TTC28: variants seen among roughly 807,000 people sequenced by gnomAD.
TTC28 encodes tetratricopeptide repeat domain 28.
Under a neutral mutation model 198.0 loss-of-function variants are expected in TTC28, and 61 were observed. That is an observed-to-expected ratio of 0.31 (90% CI 0.25 to 0.38). The LOEUF (loss-of-function observed/expected upper bound fraction) is 0.38, where lower values mean the gene tolerates loss of function less well. Ranked by LOEUF, TTC28 falls within the 10% of genes least tolerant of loss-of-function variation. TTC28 has a pLI of 1.00. For missense variants in TTC28, 2,678 were observed against 3,164.0 expected (o/e 0.85, Z 3.69); for synonymous variants, 1,171 against 1,297.8 (o/e 0.90, Z 2.10).
chr22:28,294,308 A>G (rs898334291), intron 5 of TTC28, among the ~76,000 whole-genome samples: 2 of 152,162 alleles, frequency 1.3e-5, no homozygotes, highest in African/African-American at 4.8e-5. Flanking sequence ...TGATTTCTTA[A>G]TAACATATTG....
At chr22:28,261,398 A>G (rs1023699550) in intron 5 of TTC28, among the ~76,000 whole-genome samples, 1 of 152,132 alleles carries the variant, frequency 6.6e-6, no homozygotes, top group Admixed American at 6.6e-5. Context: ...AGAAAGCCCA[A>G]GCATGGTGGA....
chr22:28,397,524 C>T lies in TTC28; in HGVS notation c.382-90881G>A, dbSNP rs144376992. ...AGAGTGAACAGCTCTTACAGCAAAA[C>T]AGTGCTGAAAGGATGACCAAGTAAA... On this transcript the variant is annotated intron_variant, in intron 2 of 22. Coordinates refer to ENST00000397906, the MANE Select transcript of TTC28 (RefSeq NM_001145418.2). Among the ~76,000 whole-genome samples, 816 of 152,282 alleles carry T rather than the reference C, an allele frequency of 5.4e-3. 6 individuals carry two copies. The highest frequency in any genetic ancestry group is 0.019 in the African/African-American group (787 of 41,548).
At chr22:28,146,623 T>C (rs1943475278) in intron 6 of TTC28, among the ~76,000 whole-genome samples, 1 of 152,214 alleles carries the variant, frequency 6.6e-6, no homozygotes, top group Non-Finnish European at 1.5e-5. Flanking sequence ...TCACAGAGCA[T>C]ATCATATCTC....
intron 2 of TTC28, among the ~76,000 whole-genome samples, chr22:28,503,747 ATGGAAGT>A: frequency 6.6e-6 from 1 of 152,342 alleles, no homozygotes; most frequent in African/African-American, 2.4e-5. Context: ...CTGATAAATA[ATGGAAGT>A]ATCTGGCAAA....
At chr22:28,460,855 T>C (rs927044315) in intron 2 of TTC28, among the ~76,000 whole-genome samples, 2 of 152,066 alleles carry the variant, frequency 1.3e-5, no homozygotes, top group African/African-American at 2.4e-5. Context: ...GACTAATTTG[T>C]AAGTTTTTTT....
chr22:28,635,059 C>G (rs185670488), intron 1 of TTC28, among the ~76,000 whole-genome samples: 1 of 152,080 alleles, frequency 6.6e-6, no homozygotes, highest in Non-Finnish European at 1.5e-5. Flanking sequence ...CGGTGGCTCA[C>G]GCCTGTAATC....
chr22:28,397,591 CTG>C lies in TTC28; in HGVS notation c.382-90950_382-90949del, dbSNP rs765154600. Among the ~76,000 whole-genome samples the C allele has an allele frequency of 2.0e-3, 300 of 152,290 alleles. 3 individuals are homozygous for C. The highest frequency in any genetic ancestry group is 3.6e-3 in the Non-Finnish European group (242 of 68,030). On this transcript the variant is annotated intron_variant, in intron 2 of 22. Coordinates refer to ENST00000397906, the MANE Select transcript of TTC28 (RefSeq NM_001145418.2). Reference sequence around the variant, plus strand: ...GATGCTTCTGATAGACATCAAGACTCTGTGATACTCTGTAATTCGACTGAACC... The same window carrying C: ...GATGCTTCTGATAGACATCAAGACTCTGATACTCTGTAATTCGACTGAACC...
chr22:28,328,256 AC>A (rs897901663), intron 2 of TTC28, among the ~76,000 whole-genome samples: 1 of 151,736 alleles, frequency 6.6e-6, no homozygotes, highest in Non-Finnish European at 1.5e-5. Flanking sequence ...ACATAGCAAG[AC>A]CCCCCACCTC....
chr22:28,422,474 T>C (rs1477675057), intron 2 of TTC28, among the ~76,000 whole-genome samples: 1 of 152,016 alleles, frequency 6.6e-6, no homozygotes, highest in East Asian at 1.9e-4. Flanking sequence ...AGTCTCGCTC[T>C]GTCGCCAAGG....
chr22:28,164,837 T>C (rs1921706314), intron 5 of TTC28, among the ~76,000 whole-genome samples: 1 of 152,010 alleles, frequency 6.6e-6, no homozygotes, highest in Admixed American at 6.6e-5. Context: ...AAATGATCAA[T>C]GACGAGTTGA....
At chr22:28,471,984 C>G (rs2048101958) in intron 2 of TTC28, among the ~76,000 whole-genome samples, 1 of 152,046 alleles carries the variant, frequency 6.6e-6, no homozygotes, top group South Asian at 2.1e-4. Flanking sequence ...TTTGAATCTT[C>G]AACATTTAAT....
chr22:28,323,881 A>G (rs555550233), intron 2 of TTC28, among the ~76,000 whole-genome samples: 40 of 152,346 alleles, frequency 2.6e-4, no homozygotes, highest in African/African-American at 8.9e-4. Context: ...GAGAAAATAA[A>G]TAACATACAA....
chr22:28,032,673 A>T (rs1398847137), intron 12 of TTC28, among the ~76,000 whole-genome samples: 1 of 152,142 alleles, frequency 6.6e-6, no homozygotes, highest in African/African-American at 2.4e-5. Flanking sequence ...ACTGGGCTAA[A>T]GAGTACTAGG....
rs542814726 is a variant in TTC28, at chr22:28,249,952, T to C, written c.933+46246A>G. 8.5e-5 allele frequency among the ~76,000 whole-genome samples: 13 copies of C among 152,336 alleles called. No individual in the cohort carries two copies. The South Asian group carries it at 2.5e-3, about 29-fold the overall frequency. On this transcript the variant is annotated intron_variant, in intron 5 of 22. Coordinates refer to ENST00000397906, the MANE Select transcript of TTC28 (RefSeq NM_001145418.2). ...TTCTTTGAGGATTTCACTCCTCTTA[T>C]TGTGATTAAAATGAGGACTCTCAGC...
intron 2 of TTC28, among the ~76,000 whole-genome samples, chr22:28,436,540 TAAG>T (rs1569323734): frequency 6.6e-6 from 1 of 152,106 alleles, no homozygotes; most frequent in Admixed American, 6.5e-5. Context: ...GAAGGCAAGT[TAAG>T]AAGAACATGA....
At chr22:28,229,958 TAATA>T (rs1928675408) in intron 5 of TTC28, among the ~76,000 whole-genome samples, 2 of 152,166 alleles carry the variant, frequency 1.3e-5, no homozygotes, top group South Asian at 4.2e-4. Context: ...CATGAAGTGG[TAATA>T]AATAGAATGC....
At chr22:28,322,018 G>C (rs546042332) in intron 2 of TTC28, among the ~76,000 whole-genome samples, 41 of 152,210 alleles carry the variant, frequency 2.7e-4, no homozygotes, top group African/African-American at 8.4e-4. Flanking sequence ...TTTTAGTAGA[G>C]ACAGGGTTTC....
intron 2 of TTC28, among the ~76,000 whole-genome samples, chr22:28,423,044 T>C (rs890450522): frequency 6.6e-6 from 1 of 152,158 alleles, no homozygotes; most frequent in African/African-American, 2.4e-5. Flanking sequence ...TAAAAGTTTT[T>C]AGATTAACAG....
intron 2 of TTC28, among the ~76,000 whole-genome samples, chr22:28,380,192 C>T (rs761530867): frequency 2.8e-4 from 42 of 151,914 alleles, no homozygotes; most frequent in South Asian, 4.2e-4. Context: ...ATAGCACTTC[C>T]GACAAGAGCT....
Sources: allele counts gnomAD v4.1 joint callset (sites outside exome capture counted in the v4.1 genomes callset), GRCh38; gene constraint gnomAD v4.1.1; transcripts MANE v1.5; gene names NCBI Gene and HGNC (gene_info 2026-07-23, HGNC 2026-07-21).